The following CCNT2 variants were observed in gnomAD, a reference collection of about 807,000 sequenced individuals.
CCNT2 encodes cyclin-T2.
A neutral mutation model predicts 70.0 loss-of-function variants in CCNT2; 18 were observed. That is an observed-to-expected ratio of 0.26 (90% CI 0.18 to 0.38). The LOEUF is 0.38. CCNT2 is among the 10% of genes least tolerant of loss of function. The pLI, the probability that CCNT2 is intolerant of heterozygous loss-of-function variation, is 1.00. For missense variants in CCNT2, 734 were observed against 890.2 expected, an observed-to-expected ratio of 0.82 and a Z score of 2.23; for synonymous variants, 334 against 313.3, an observed-to-expected ratio of 1.07 and a Z score of -0.70.
chr2:134,939,144 T>C (rs1262346076), intron 4 of CCNT2, 82 bp downstream of exon 4: 3 of 979,340 alleles, frequency 3.1e-6, no homozygotes, highest in African/African-American at 1.6e-5. Flanking sequence ...TCTGAAATAA[T>C]TGTATTATTG....
Position 134,946,162 on chromosome 2 carries a change from C to G in CCNT2, c.539+16C>G, listed in dbSNP as rs772182336. The G allele has an allele frequency of 6.2e-7, 1 of 1,612,374 alleles. No individual in the cohort carries two copies. The highest frequency in any genetic ancestry group is 1.7e-5 in the Admixed American group (1 of 59,972). On this transcript the variant is annotated intron_variant, in intron 6 of 8. Coordinates refer to ENST00000264157, the MANE Select transcript of CCNT2 (RefSeq NM_058241.3). ...CTACCAACAGGTTGTTATCCTGACC[C>G]TCTTTGTTGCACTGTTGTAGCACAC... is the stretch of plus-strand genomic sequence containing the variant.
chr2:134,950,350 G>T (rs1682384725), intron 7 of CCNT2, among the ~76,000 whole-genome samples: 1 of 149,354 alleles, frequency 6.7e-6, no homozygotes, highest in African/African-American at 2.4e-5. Context: ...TTTTTTTTCT[G>T]TGTCAGTCAC....
In CCNT2 at chr2:134,923,845, G is replaced by C. The variant is rs532523339; in HGVS notation, c.240+3954G>C. The stretch of plus-strand genomic sequence containing the variant: ...CAAACTGTAGTTCTCACTTTTTCCT[G>C]TTCTAGTATATTTCAGAAGTAGAGC... On this transcript the variant is annotated intron_variant, in intron 2 of 8. Coordinates refer to ENST00000264157, the MANE Select transcript of CCNT2 (RefSeq NM_058241.3). 2.3e-4 allele frequency among the ~76,000 whole-genome samples: 35 copies of C among 152,202 alleles called. No individual in the cohort carries two copies. In the South Asian group the frequency reaches 7.0e-3, roughly 31 times the overall value.
chr2:134,940,861 T>C (rs887268640), intron 4 of CCNT2, among the ~76,000 whole-genome samples: 1 of 152,158 alleles, frequency 6.6e-6, no homozygotes, highest in Non-Finnish European at 1.5e-5. Context: ...AAAAGTTGAA[T>C]TGTTTGATAT....
In CCNT2 at chr2:134,954,362, A is replaced by C. The variant is rs559014612; in HGVS notation, c.1907A>C (p.Lys636Thr). The stretch of plus-strand genomic sequence containing the variant: ...CACAACCACCACTCCAAAATGAGCA[A>C]AAGTTCCAAAAGTTCAGGTAGTTCA... ...ASHNHHSKMSKSSKSSGSSSS... is the reference protein window; with the variant it reads ...ASHNHHSKMSTSSKSSGSSSS... The change falls in exon 9 of 9, where the codon AAA (lysine) becomes ACA (threonine). Residue 636 changes from lysine to threonine, a missense_variant. Physicochemically the swap from Lys to Thr is moderately conservative, Grantham distance 78. Coordinates refer to ENST00000264157, the MANE Select transcript of CCNT2 (RefSeq NM_058241.3). The C allele has an allele frequency of 1.2e-6, 2 of 1,614,066 alleles. No individual in the cohort carries two copies. The highest frequency in any genetic ancestry group is 2.7e-5 in the African/African-American group (2 of 74,922).
At chr2:134,951,589 C>T (rs537467636) in intron 7 of CCNT2, among the ~76,000 whole-genome samples, 1 of 152,112 alleles carries the variant, frequency 6.6e-6, no homozygotes, top group South Asian at 2.1e-4. Flanking sequence ...ACCTGTAATT[C>T]CAGCACTTTG....
chr2:134,942,944 A>G, intron 5 of CCNT2: 1 of 985,384 alleles, frequency 1.0e-6, no homozygotes, highest in African/African-American at 1.7e-5. Flanking sequence ...TCCATCCCCC[A>G]TTGAGCTTTG....
In CCNT2 at chr2:134,959,253, A is replaced by G. The variant is rs897117983; in HGVS notation, c.*4605A>G. ...TGTTTGCTAATAGAAAATCTAAAAC[A>G]GGAATATGTGTATATGGCATGAATT... is the stretch of plus-strand genomic sequence containing the variant. On this transcript the variant is annotated 3_prime_UTR_variant, in exon 9 of 9. Coordinates refer to ENST00000264157, the MANE Select transcript of CCNT2 (RefSeq NM_058241.3). 3 of 152,200 alleles carry G rather than the reference A, an allele frequency of 2.0e-5. No individual in the cohort carries two copies. The highest frequency in any genetic ancestry group is 7.2e-5 in the African/African-American group (3 of 41,450). 9.4% of individuals were successfully genotyped at this position (152,200 alleles called of 1,614,324 possible).
intron 2 of CCNT2, among the ~76,000 whole-genome samples, chr2:134,931,260 A>ATATTTTTTTTTTTTTTT (rs1351628226): frequency 2.3e-5 from 1 of 42,962 alleles, no homozygotes; most frequent in African/African-American, 9.7e-5. Context: ...CCATGCCCGG[A>ATATTTTTTTTTTTTTTT]TCTTTTTTTT....
In CCNT2 at chr2:134,953,430, C is replaced by T. The variant is rs1468109190; in HGVS notation, c.975C>T (p.Ser325=). 6.2e-7 allele frequency: 1 copy of T among 1,611,676 alleles called. No individual in the cohort carries two copies. The highest frequency in any genetic ancestry group is 1.7e-5 in the Admixed American group (1 of 59,872). The part of the protein sequence containing the change: ...LNSGNISVQD[S]HTSDNLSMLA... ...CAGGAAATATTTCTGTTCAAGACAG[C>T]CATACATCTGATAATTTGTCAATGC... is the stretch of plus-strand genomic sequence containing the variant. The change falls in exon 9 of 9, where the codon AGC becomes AGT. Residue 325 remains serine (S), a synonymous_variant. Transcript: ENST00000264157.
chr2:134,929,163 A>G (rs576964410), intron 2 of CCNT2, among the ~76,000 whole-genome samples: 1 of 152,368 alleles, frequency 6.6e-6, no homozygotes, highest in East Asian at 1.9e-4. Flanking sequence ...GATATTCTCA[A>G]AACAAAACCT....
intron 3 of CCNT2, 28 bp from the exon 4 acceptor site, chr2:134,938,974 T>C (rs746013205): frequency 1.4e-6 from 2 of 1,461,824 alleles, no homozygotes; most frequent in Non-Finnish European, 1.9e-6. Context: ...TTTATTTTAA[T>C]CAATTTGATA....
chr2:134,945,280 A>C (rs897109714), intron 5 of CCNT2: 2 of 985,392 alleles, frequency 2.0e-6, no homozygotes, highest in Non-Finnish European at 2.4e-6. Context: ...AACTGATCCT[A>C]GGTGAGCAGA....
chr2:134,934,824 A>G (rs1282554811), intron 2 of CCNT2, among the ~76,000 whole-genome samples: 2 of 152,196 alleles, frequency 1.3e-5, no homozygotes, highest in East Asian at 3.8e-4. Flanking sequence ...AATTCGGTCT[A>G]ATTTGACTTT....
intron 3 of CCNT2, 93 bp downstream of exon 3, chr2:134,937,062 G>T: frequency 2.4e-6 from 2 of 825,448 alleles, no homozygotes; most frequent in Admixed American, 2.6e-5. Context: ...AATTAGTGGT[G>T]CCTTCCAAAT....
intron 2 of CCNT2, among the ~76,000 whole-genome samples, chr2:134,930,008 A>G (rs569942067): frequency 6.6e-6 from 1 of 152,166 alleles, no homozygotes; most frequent in South Asian, 2.1e-4. Flanking sequence ...GAGAGATACA[A>G]TTCATATACC....
At chr2:134,919,054 T>G (rs1456003900) in intron 1 of CCNT2, 42 bp downstream of exon 1, 1 of 1,545,654 alleles carries the variant, frequency 6.5e-7, no homozygotes, top group African/African-American at 1.4e-5. Flanking sequence ...CTGTTTCCCT[T>G]GCCCGGTCGC....
At position 134,954,154 on chromosome 2, in the gene CCNT2, C is replaced by A; in HGVS notation, c.1699C>A (p.Arg567Ser). The change falls in exon 9 of 9, where the codon CGC becomes AGC. Residue 567 changes from arginine (R) to serine (S), a missense_variant. Around this residue, in one of 3 missense-constraint regions of CCNT2, gnomAD observed 532 missense variants for 556.9 expected, o/e 0.96. Transcript: ENST00000264157. ...KEKHKEHPSS[R>S]HHTSSHKHSH... Reference sequence around the variant, plus strand: ...GAAGCACAAGGAGCATCCTTCAAGCCGCCACCACACCAGCAGCCACAAGCA... The same window carrying A: ...GAAGCACAAGGAGCATCCTTCAAGCAGCCACCACACCAGCAGCCACAAGCA... 1 of 1,614,096 alleles carries A rather than the reference C, an allele frequency of 6.2e-7. No individual in the cohort carries two copies. The highest frequency in any genetic ancestry group is 2.2e-5 in the East Asian group (1 of 44,876).
intron 2 of CCNT2, among the ~76,000 whole-genome samples, chr2:134,931,300 T>A (rs1315365278): frequency 6.9e-6 from 1 of 144,242 alleles, no homozygotes; most frequent in Non-Finnish European, 1.5e-5. Context: ...TATTTGAATA[T>A]ACAGTTGTCC....
Sources: allele counts gnomAD v4.1 joint callset (sites outside exome capture counted in the v4.1 genomes callset), GRCh38; gene constraint gnomAD v4.1.1; regional missense constraint gnomAD v4.1.1; transcripts MANE v1.5; gene names NCBI Gene and HGNC (gene_info 2026-07-23, HGNC 2026-07-21).